The following GSE1 variants were observed in gnomAD, a reference collection of about 807,000 sequenced individuals.
GSE1 encodes genetic suppressor element 1.
Under a neutral mutation model 112.6 loss-of-function variants are expected in GSE1, and 32 were observed. The ratio of observed to expected loss-of-function variants is 0.28; its 90% CI spans 0.21 to 0.38. The LOEUF (loss-of-function observed/expected upper bound fraction) is 0.38. Among genes scored for constraint, GSE1 ranks in the 10% least tolerant of loss-of-function variants. GSE1 has a pLI of 1.00. For missense variants in GSE1, 2,348 were observed against 1,699.2 expected (o/e 1.38, Z -6.71); for synonymous variants, 1,115 against 735.6 (o/e 1.52, Z -8.35).
exon 1 of GSE1, chr16:85,169,905 C>A (rs181715703): frequency 2.0e-6 from 2 of 984,230 alleles, no homozygotes; most frequent in East Asian, 1.1e-4. Flanking sequence ...GCGCAGGCGG[C>A]CGCCGTGGCG....
chr16:85,384,203 C>T (rs781523649), intron 2 of GSE1, among the ~76,000 whole-genome samples: 17 of 152,224 alleles, frequency 1.1e-4, no homozygotes, highest in Admixed American at 3.3e-4. Flanking sequence ...ACTGCCCAGC[C>T]CAGGCTTCCT....
At position 85,661,603 on chromosome 16, in the gene GSE1, G is replaced by A. The variant is rs757632349; in HGVS notation, c.2098G>A (p.Gly700Arg). 26 of 1,610,474 alleles carry A rather than the reference G, an allele frequency of 1.6e-5. No homozygotes were observed. In the Middle Eastern group the frequency reaches 5.0e-4, roughly 31 times the overall value. The change falls in exon 9 of 16, where the codon GGG becomes AGG. Residue 700 changes from glycine (G) to arginine (R), a missense_variant. Gly to Arg is a moderately radical substitution (Grantham distance 125). Coordinates refer to ENST00000253458, the MANE Select transcript of GSE1 (RefSeq NM_014615.5). ...CTCCCTCCCACAGGCGGCCACCTTCGGGGAGCTCAGCGGACCCCTGAAGCC... is the reference window on the plus strand; with the variant it reads ...CTCCCTCCCACAGGCGGCCACCTTCAGGGAGCTCAGCGGACCCCTGAAGCC... ...RASLPQAATF[G>R]ELSGPLKPGS...
At chr16:85,478,851 CTTTCTTTCTTTCTTTCTT>C (rs1567520230) in intron 2 of GSE1, among the ~76,000 whole-genome samples, 6 of 10,730 alleles carry the variant, frequency 5.6e-4, no homozygotes, top group South Asian at 7.5e-3. Flanking sequence ...TTCTTTCTTT[CTTTCTTTCTTTCTTTCTT>C]TCTTTCTTTC....
At chr16:85,656,224 C>T in intron 6 of GSE1, 119 bp from the exon 7 acceptor site, 1 of 1,265,368 alleles carries the variant, frequency 7.9e-7, no homozygotes, top group East Asian at 2.3e-5. Flanking sequence ...GGCTCACCTC[C>T]CGTCACTGTT....
At chr16:85,224,331 A>T (rs1325004010) in intron 1 of GSE1, among the ~76,000 whole-genome samples, 4 of 124,220 alleles carry the variant, frequency 3.2e-5, no homozygotes, top group Admixed American at 8.1e-5. Context: ...AAAAAAAAAA[A>T]GGGAACACAC....
intron 1 of GSE1, among the ~76,000 whole-genome samples, chr16:85,269,719 A>C (rs58936363): frequency 0.52 from 76,632 of 147,972 alleles, 23,115 homozygotes; most frequent in African/African-American, 0.62. Flanking sequence ...AGTGTCCCCA[A>C]AGAGGAGCTG....
chr16:85,585,456 G>T (rs930940997), intron 1 of GSE1, among the ~76,000 whole-genome samples: 1 of 152,198 alleles, frequency 6.6e-6, no homozygotes, highest in African/African-American at 2.4e-5. Context: ...CATGGAGTAC[G>T]CCCAGGACAG....
chr16:85,428,561 A>T (rs1052770789), intron 2 of GSE1, among the ~76,000 whole-genome samples: 1 of 152,212 alleles, frequency 6.6e-6, no homozygotes, highest in African/African-American at 2.4e-5. Flanking sequence ...CCCCTGCCTC[A>T]CTAAGACAAG....
At chr16:85,266,910 TGG>T in intron 1 of GSE1, among the ~76,000 whole-genome samples, 1 of 152,196 alleles carries the variant, frequency 6.6e-6, no homozygotes, top group South Asian at 2.1e-4. Flanking sequence ...CTCTCCCCCT[TGG>T]TCCCCCATTT....
rs554342821 is a variant in GSE1 at position 85,276,640 on chromosome 16, C to T, written c.2284-80823C>T. ...TGAGGGGCTAGTAGAGGCAAGTGGC[C>T]GGGAAGGGCGTGGAGGATGCTTCGG... On this transcript the variant is annotated intron_variant, in intron 1 of 2. Coordinates refer to the GSE1 transcript ENST00000637419. 4.4e-3 allele frequency among the ~76,000 whole-genome samples: 673 copies of T among 152,248 alleles called. 5 individuals carry two copies. The highest frequency in any genetic ancestry group is 6.4e-3 in the South Asian group (31 of 4,824).
At chr16:85,213,279 A>AG (rs1228374455) in intron 1 of GSE1, among the ~76,000 whole-genome samples, 2 of 151,696 alleles carry the variant, frequency 1.3e-5, no homozygotes, top group African/African-American at 4.8e-5. Context: ...AAAAAAAAAA[A>AG]AAAAGAAAAA....
intron 1 of GSE1, among the ~76,000 whole-genome samples, chr16:85,194,999 C>T (rs897506632): frequency 9.2e-5 from 14 of 151,994 alleles, no homozygotes; most frequent in African/African-American, 1.2e-4. Context: ...GACTTGTTCC[C>T]GGTACAGGAA....
intron 2 of GSE1, among the ~76,000 whole-genome samples, chr16:85,395,961 C>A (rs60576237): frequency 6.6e-6 from 1 of 152,166 alleles, no homozygotes; most frequent in Admixed American, 6.5e-5. Flanking sequence ...AGCCCTGTCC[C>A]CCGGCTGGTA....
intron 1 of GSE1, among the ~76,000 whole-genome samples, chr16:85,599,245 G>A (rs2047362304): frequency 6.6e-6 from 1 of 152,220 alleles, no homozygotes; most frequent in South Asian, 2.1e-4. Flanking sequence ...TTCTTTTGGA[G>A]AGAGAGGCGG....
chr16:85,480,402 G>A (rs1400784940), intron 2 of GSE1, among the ~76,000 whole-genome samples: 2 of 152,152 alleles, frequency 1.3e-5, no homozygotes, highest in Non-Finnish European at 2.9e-5. Context: ...ACCAGTGTGA[G>A]CCTCCACCCC....
At chr16:85,476,297 T>G (rs1263240375) in intron 2 of GSE1, among the ~76,000 whole-genome samples, 1 of 152,106 alleles carries the variant, frequency 6.6e-6, no homozygotes, top group Non-Finnish European at 1.5e-5. Flanking sequence ...TGGCGCTCAG[T>G]GGAATCGGGT....
chr16:85,200,821 A>G (rs1280445078), intron 1 of GSE1, among the ~76,000 whole-genome samples: 1 of 152,140 alleles, frequency 6.6e-6, no homozygotes, highest in Non-Finnish European at 1.5e-5. Context: ...CTGTGCAGCC[A>G]CCACCACCGT....
intron 1 of GSE1, among the ~76,000 whole-genome samples, chr16:85,261,807 G>T (rs546669142): frequency 1.3e-5 from 2 of 152,204 alleles, no homozygotes; most frequent in Non-Finnish European, 1.5e-5. Flanking sequence ...AAGCTGAGGG[G>T]GTTGAGAATG....
chr16:85,382,919 T>A (rs541557216), intron 2 of GSE1, among the ~76,000 whole-genome samples: 3 of 149,050 alleles, frequency 2.0e-5, no homozygotes, highest in African/African-American at 7.5e-5. Flanking sequence ...CACACATACA[T>A]GCACACACGC....
Sources: gnomAD v4.1 joint callset for allele counts (sites outside exome capture counted in the v4.1 genomes callset) on GRCh38, gnomAD v4.1.1 for gene constraint, MANE v1.5 for transcripts, NCBI Gene and HGNC (gene_info 2026-07-23, HGNC 2026-07-21) for gene names.